Variants in NXPH1 observed in about 807,000 individuals in gnomAD.
The protein encoded by NXPH1 is neurexophilin 1, also known as neurexophilin-1.
Under a neutral mutation model 23.7 loss-of-function variants are expected in NXPH1, and 5 were observed. The observed-to-expected ratio is 0.21, with a 90% CI of 0.11 to 0.44. NXPH1 has a LOEUF of 0.44. NXPH1 is among the 20% of genes least tolerant of loss of function. The probability of loss-of-function intolerance (pLI) is 0.99; values close to 1 mark genes in which losing one functional copy is unlikely to be tolerated. For missense variants in NXPH1, 324 were observed against 321.6 expected (o/e 1.01, Z -0.06); for synonymous variants, 144 against 122.2 (o/e 1.18, Z -1.18).
chr7:8,670,856 C>T (rs372046573), intron 2 of NXPH1, among the ~76,000 whole-genome samples: 1 of 152,212 alleles, frequency 6.6e-6, no homozygotes, highest in African/African-American at 2.4e-5. Flanking sequence ...AGGTTTTTCA[C>T]TATGGGTTCC....
intron 2 of NXPH1, among the ~76,000 whole-genome samples, chr7:8,486,072 C>T (rs964841861): frequency 6.6e-6 from 1 of 152,086 alleles, no homozygotes; most frequent in African/African-American, 2.4e-5. Context: ...ATTTGAGGTA[C>T]CCCATAAATG....
At chr7:8,542,574 C>T (rs1410618337) in intron 2 of NXPH1, among the ~76,000 whole-genome samples, 1 of 151,576 alleles carries the variant, frequency 6.6e-6, no homozygotes, top group Non-Finnish European at 1.5e-5. Context: ...TATTCTAGGC[C>T]ATGAAACAGT....
At chr7:8,683,491 G>A (rs1583229119) in intron 2 of NXPH1, among the ~76,000 whole-genome samples, 2 of 152,268 alleles carry the variant, frequency 1.3e-5, no homozygotes, top group East Asian at 3.9e-4. Flanking sequence ...ACACAGGAAT[G>A]GGTCAGATTA....
chr7:8,656,813 G>A (rs1032808129), intron 2 of NXPH1, among the ~76,000 whole-genome samples: 4 of 151,736 alleles, frequency 2.6e-5, no homozygotes, highest in Non-Finnish European at 4.4e-5. Context: ...TTGTTCTTGC[G>A]ATATTTTACT....
intron 2 of NXPH1, among the ~76,000 whole-genome samples, chr7:8,613,986 G>T (rs1562426675): frequency 6.6e-6 from 1 of 151,480 alleles, no homozygotes; most frequent in Non-Finnish European, 1.5e-5. Context: ...CTGTTCTTAT[G>T]GTTTTGTGTC....
intron 2 of NXPH1, among the ~76,000 whole-genome samples, chr7:8,651,255 A>G (rs539219532): frequency 8.0e-6 from 1 of 124,676 alleles, no homozygotes; most frequent in Admixed American, 9.3e-5. Flanking sequence ...GTTTACTGAG[A>G]ATGATGATTT....
chr7:8,603,792 C>T (rs1249999488), intron 2 of NXPH1, among the ~76,000 whole-genome samples: 1 of 152,014 alleles, frequency 6.6e-6, no homozygotes, highest in African/African-American at 2.4e-5. Context: ...TCCTTGGCAT[C>T]CTCTCCTTTA....
At chr7:8,591,843 T>C in intron 2 of NXPH1, among the ~76,000 whole-genome samples, 1 of 124,498 alleles carries the variant, frequency 8.0e-6, no homozygotes, top group South Asian at 2.3e-4. Context: ...AGGGCTGAGG[T>C]TTCTTTTTTT....
intron 2 of NXPH1, among the ~76,000 whole-genome samples, chr7:8,510,404 G>A (rs995630181): frequency 1.3e-5 from 2 of 151,924 alleles, no homozygotes; most frequent in African/African-American, 2.4e-5. Context: ...AGATGACAAA[G>A]TTGAGGCATA....
At chr7:8,620,317 G>C (rs6959307) in intron 2 of NXPH1, among the ~76,000 whole-genome samples, 4,253 of 152,160 alleles carry the variant, frequency 0.028, 181 homozygotes, top group African/African-American at 0.09. Context: ...TTACCTCCAA[G>C]GAACCTCCCC....
chr7:8,680,881 G>A (rs990387438), intron 2 of NXPH1, among the ~76,000 whole-genome samples: 1 of 152,208 alleles, frequency 6.6e-6, no homozygotes, highest in African/African-American at 2.4e-5. Context: ...TCTATTAACA[G>A]AATATTAGTG....
chr7:8,740,686 C>G (rs549763784), intron 2 of NXPH1, among the ~76,000 whole-genome samples: 1 of 151,650 alleles, frequency 6.6e-6, no homozygotes, highest in East Asian at 1.9e-4. Flanking sequence ...AATGATGTAC[C>G]TTTTTTGTTG....
chr7:8,468,344 T>C (rs1213762765), intron 2 of NXPH1, among the ~76,000 whole-genome samples: 1 of 152,108 alleles, frequency 6.6e-6, no homozygotes, highest in Non-Finnish European at 1.5e-5. Flanking sequence ...TTAAACCCAG[T>C]TCAGAAATTT....
At chr7:8,728,580 G>A (rs1409194641) in intron 2 of NXPH1, among the ~76,000 whole-genome samples, 2 of 152,034 alleles carry the variant, frequency 1.3e-5, no homozygotes, top group African/African-American at 2.4e-5. Flanking sequence ...GGCCTTTTCT[G>A]CATCTATTGA....
chr7:8,528,754 G>T (rs915940929), intron 2 of NXPH1, among the ~76,000 whole-genome samples: 4 of 152,144 alleles, frequency 2.6e-5, no homozygotes, highest in African/African-American at 9.7e-5. Context: ...TGAGACATCT[G>T]TTTTTCTTGT....
chr7:8,502,654 T>G (rs74674803), intron 2 of NXPH1, among the ~76,000 whole-genome samples: 11,024 of 151,734 alleles, frequency 0.073, 805 homozygotes, highest in East Asian at 0.21. Context: ...GAGCACTCAC[T>G]ATGCCCAGGC....
At chr7:8,476,115 G>A (rs114933744) in intron 2 of NXPH1, among the ~76,000 whole-genome samples, 3 of 152,100 alleles carry the variant, frequency 2.0e-5, no homozygotes, top group Non-Finnish European at 4.4e-5. Flanking sequence ...ACATTTTGGG[G>A]ACCATAGGCC....
At chr7:8,644,003 C>T (rs1482168060) in intron 2 of NXPH1, among the ~76,000 whole-genome samples, 1 of 152,122 alleles carries the variant, frequency 6.6e-6, no homozygotes, top group Non-Finnish European at 1.5e-5. Context: ...TCATGGACAA[C>T]AACAGGCTGA....
intron 2 of NXPH1, among the ~76,000 whole-genome samples, chr7:8,597,744 C>T (rs1819258622): frequency 6.6e-6 from 1 of 151,200 alleles, no homozygotes; most frequent in South Asian, 2.1e-4. Context: ...CAGTAGCTAT[C>T]ACCTTTCTAC....
Sources: allele counts gnomAD v4.1 joint callset (sites outside exome capture counted in the v4.1 genomes callset), GRCh38; gene constraint gnomAD v4.1.1; transcripts MANE v1.5; gene names NCBI Gene and HGNC (gene_info 2026-07-23, HGNC 2026-07-21).